Variants in DOCK10 observed in about 807,000 individuals in gnomAD.
DOCK10 encodes dedicator of cytokinesis protein 10.
A neutral mutation model predicts 280.1 loss-of-function variants in DOCK10; 145 were observed. The observed-to-expected ratio is 0.52, with a 90% CI of 0.45 to 0.59. The LOEUF (loss-of-function observed/expected upper bound fraction) is 0.59. Among genes scored for constraint, DOCK10 ranks in the 20% least tolerant of loss-of-function variants. The pLI is 0.00. For missense variants in DOCK10, 2,368 were observed against 2,651.7 expected (o/e 0.89, Z 2.35); for synonymous variants, 915 against 942.2 (o/e 0.97, Z 0.53).
chr2:224,949,137 C>T (rs1409152879), intron 1 of DOCK10, among the ~76,000 whole-genome samples: 2 of 152,198 alleles, frequency 1.3e-5, no homozygotes, highest in Non-Finnish European at 2.9e-5. Flanking sequence ...ATGGAGTGTT[C>T]CATGGGATGG....
intron 31 of DOCK10, among the ~76,000 whole-genome samples, chr2:224,811,744 T>C (rs926358139): frequency 2.6e-5 from 4 of 152,028 alleles, no homozygotes; most frequent in African/African-American, 9.7e-5. Flanking sequence ...AAATAGGGAA[T>C]CCTTTCCCCA....
chr2:224,941,692 A>G, intron 1 of DOCK10, among the ~76,000 whole-genome samples: 1 of 151,962 alleles, frequency 6.6e-6, no homozygotes, highest in East Asian at 1.9e-4. Context: ...AAAAATACAA[A>G]AATTAGCCAG....
At chr2:224,904,613 A>T (rs1700479413) in intron 3 of DOCK10, among the ~76,000 whole-genome samples, 1 of 152,182 alleles carries the variant, frequency 6.6e-6, no homozygotes. Context: ...TCAGGATCAG[A>T]AAACAGCATT....
At chr2:224,920,109 G>A (rs576822978) in intron 2 of DOCK10, among the ~76,000 whole-genome samples, 196 of 152,228 alleles carry the variant, frequency 1.3e-3, no homozygotes, top group Non-Finnish European at 5.6e-4. Flanking sequence ...GTCTCATTCT[G>A]TTGGCCAGGT....
At chr2:224,983,674 A>C in intron 1 of DOCK10, 3 of 443,580 alleles carry the variant, frequency 6.8e-6, no homozygotes, top group South Asian at 5.0e-5. Flanking sequence ...ATTGCTCAGT[A>C]ATCTGTCACA....
intron 1 of DOCK10, among the ~76,000 whole-genome samples, chr2:225,024,846 C>A (rs185338681): frequency 6.6e-6 from 1 of 151,686 alleles, no homozygotes; most frequent in African/African-American, 2.4e-5. Flanking sequence ...GCTGAGATCA[C>A]GCTACTGTGC....
At chr2:224,845,696 CAG>C in intron 19 of DOCK10, 54 bp from the exon 20 acceptor site, 4 of 1,511,386 alleles carry the variant, frequency 2.6e-6, no homozygotes, top group Non-Finnish European at 3.6e-6. Flanking sequence ...TGCTCAATAT[CAG>C]AGCAAGACAA....
chr2:224,830,533 G>T lies in DOCK10; in HGVS notation c.3036+8C>A. ...AATATTATAATATTATATTACTTATGTTCTTACCTGGATTTTATTTGTGTC... is the reference window on the plus strand; with the variant it reads ...AATATTATAATATTATATTACTTATTTTCTTACCTGGATTTTATTTGTGTC... On this transcript the variant is annotated splice_region_variant and intron_variant, in intron 27 of 55. Transcript: ENST00000258390. 7.2e-7 allele frequency: 1 copy of T among 1,394,626 alleles called. No homozygotes were observed. The allele number at this position is 1,394,626 out of a possible 1,614,324, so 86.4% of individuals were successfully genotyped here.
At chr2:224,852,591 A>G in intron 17 of DOCK10, 149 bp from the exon 18 acceptor site, 1 of 681,306 alleles carries the variant, frequency 1.5e-6, no homozygotes, top group Non-Finnish European at 2.5e-6. Context: ...ATCTTTTGAA[A>G]TAACAGAAGG....
At chr2:224,986,264 G>A (rs1309804790) in intron 1 of DOCK10, among the ~76,000 whole-genome samples, 1 of 152,148 alleles carries the variant, frequency 6.6e-6, no homozygotes, top group Non-Finnish European at 1.5e-5. Flanking sequence ...ATAAAAAATT[G>A]AGAAATGAAG....
chr2:224,946,154 G>A (rs936628637), intron 1 of DOCK10, among the ~76,000 whole-genome samples: 2 of 152,186 alleles, frequency 1.3e-5, no homozygotes, highest in African/African-American at 4.8e-5. Context: ...TCAACTGTCA[G>A]TAGTTTATAG....
chr2:224,920,784 C>A (rs1398754578), intron 2 of DOCK10, among the ~76,000 whole-genome samples: 1 of 151,842 alleles, frequency 6.6e-6, no homozygotes, highest in East Asian at 1.9e-4. Flanking sequence ...TAAAAAAATA[C>A]TTTAAGTCTG....
intron 7 of DOCK10, among the ~76,000 whole-genome samples, chr2:224,882,108 T>C (rs1391718063): frequency 6.6e-6 from 1 of 152,224 alleles, no homozygotes; most frequent in Non-Finnish European, 1.5e-5. Flanking sequence ...CAGCTTATTA[T>C]CATTGCTGAG....
chr2:224,949,449 G>A (rs183019939), intron 1 of DOCK10, among the ~76,000 whole-genome samples: 4 of 152,312 alleles, frequency 2.6e-5, no homozygotes, highest in African/African-American at 9.6e-5. Context: ...TGAACTTTGT[G>A]AGAAAAATAA....
chr2:224,845,093 G>A, intron 21 of DOCK10, 110 bp downstream of exon 21: 1 of 1,158,690 alleles, frequency 8.6e-7, no homozygotes. Flanking sequence ...TTGATTCATA[G>A]CTACAAGGGA....
chr2:224,992,392 A>T (rs1706152623), intron 1 of DOCK10, among the ~76,000 whole-genome samples: 1 of 152,234 alleles, frequency 6.6e-6, no homozygotes, highest in African/African-American at 2.4e-5. Context: ...TAAAGATAAA[A>T]AGATAGCCTG....
intron 1 of DOCK10, among the ~76,000 whole-genome samples, chr2:224,963,219 T>TTTCA (rs1704548375): frequency 6.6e-6 from 1 of 152,172 alleles, no homozygotes; most frequent in Non-Finnish European, 1.5e-5. Flanking sequence ...CCCTTAAGGG[T>TTTCA]TTCACGTTTA....
intron 27 of DOCK10, 76 bp downstream of exon 27, chr2:224,830,465 T>C: frequency 2.5e-6 from 2 of 788,380 alleles, no homozygotes; most frequent in South Asian, 3.3e-5. Flanking sequence ...ATGGAACTCA[T>C]GACAGCATAA....
rs765222025 is a variant in DOCK10, at chr2:224,808,034, G to A, written c.3462C>T (p.Ile1154=). The A allele has an allele frequency of 8.7e-6, 14 of 1,612,520 alleles. No individual in the cohort carries two copies. The South Asian group carries it at 9.9e-5, about 11-fold the overall frequency. The change falls in exon 32 of 56, where the codon ATC becomes ATT. Residue 1154 remains isoleucine (I), a synonymous_variant. Coordinates refer to ENST00000258390, the MANE Select transcript of DOCK10 (RefSeq NM_014689.3). ...TNEFCRKHFL[I]GILLREVGFA... is the part of the protein sequence containing the mutation. ...AGCCAACTTCTCGGAGCAGAATTCC[G>A]ATTAAGAAGTGTTTGCGACAAAATT...
Sources: gnomAD v4.1 joint callset for allele counts (sites outside exome capture counted in the v4.1 genomes callset) on GRCh38, gnomAD v4.1.1 for gene constraint, MANE v1.5 for transcripts, NCBI Gene and HGNC (gene_info 2026-07-23, HGNC 2026-07-21) for gene names.